Variants in PSKH2 observed in about 807,000 individuals in gnomAD.
PSKH2 encodes protein serine kinase H2.
A neutral mutation model predicts 22.5 loss-of-function variants in PSKH2; 16 were observed. The observed-to-expected ratio is 0.71, with a 90% CI of 0.48 to 1.08. The LOEUF (loss-of-function observed/expected upper bound fraction) is 1.08, where lower values mean the gene tolerates loss of function less well. Among genes scored for constraint, PSKH2 ranks in the 50% least tolerant of loss-of-function variants. The pLI, the probability that PSKH2 is intolerant of heterozygous loss-of-function variation, is 0.00. For synonymous variants in PSKH2, 188 were observed against 184.8 expected (o/e 1.02, Z -0.14); for missense variants, 516 against 492.8 (o/e 1.05, Z -0.44).
chr8:86,064,206 T>C lies in PSKH2; in HGVS notation c.611A>G (p.Asp204Gly). The change falls in exon 2 of 3, where the codon GAT becomes GGT. Residue 204 changes from aspartate to glycine, a missense_variant. Coordinates refer to ENST00000276616, the MANE Select transcript of PSKH2 (RefSeq NM_033126.3). Reference sequence around the variant, plus strand: ...TTTCCCGGAGTATGCCAAACCAAAATCTGTAATTAAAATTTTCGACTCTTC... The same window carrying C: ...TTTCCCGGAGTATGCCAAACCAAAACCTGTAATTAAAATTTTCGACTCTTC... ...PGEESKILIT[D>G]FGLAYSGKKS... 6.2e-7 allele frequency: 1 copy of C among 1,614,050 alleles called. No homozygotes were observed. The highest frequency in any genetic ancestry group is 8.5e-7 in the Non-Finnish European group (1 of 1,180,026).
chr8:86,065,751 C>T (rs1485925947), intron 1 of PSKH2, among the ~76,000 whole-genome samples: 5 of 152,052 alleles, frequency 3.3e-5, no homozygotes. Context: ...GGTGGGAAGA[C>T]TGTTTGAGCC....
At chr8:86,061,902 A>AT (rs1447704861) in intron 2 of PSKH2, among the ~76,000 whole-genome samples, 3 of 152,232 alleles carry the variant, frequency 2.0e-5, no homozygotes, top group Admixed American at 1.3e-4. Context: ...TGATTGTTTT[A>AT]AGCCACTAGG....
At chr8:86,067,826 T>C (rs1187299457) in intron 1 of PSKH2, among the ~76,000 whole-genome samples, 1 of 152,204 alleles carries the variant, frequency 6.6e-6, no homozygotes, top group Non-Finnish European at 1.5e-5. Context: ...ACGACTGTGT[T>C]CTAGTCCCAA....
intron 2 of PSKH2, among the ~76,000 whole-genome samples, chr8:86,056,835 A>C (rs78186394): frequency 0.03 from 4,642 of 152,238 alleles, 207 homozygotes; most frequent in African/African-American, 0.1. Flanking sequence ...TTAAATGTCC[A>C]AAGTTACACA....
intron 2 of PSKH2, among the ~76,000 whole-genome samples, chr8:86,054,140 T>A (rs534454720): frequency 6.6e-6 from 1 of 152,332 alleles, no homozygotes; most frequent in South Asian, 2.1e-4. Context: ...AAGATTGTAA[T>A]TAATGTTACA....
intron 2 of PSKH2, among the ~76,000 whole-genome samples, chr8:86,051,289 C>T (rs1253374201): frequency 6.6e-6 from 1 of 152,014 alleles, no homozygotes; most frequent in African/African-American, 2.4e-5. Context: ...GGTTTCGCCA[C>T]GTTAGCCAGG....
At chr8:86,051,417 G>A (rs1339960679) in intron 2 of PSKH2, among the ~76,000 whole-genome samples, 1 of 152,138 alleles carries the variant, frequency 6.6e-6, no homozygotes, top group Non-Finnish European at 1.5e-5. Flanking sequence ...TAAGAAACCA[G>A]TAAAAGAACT....
At chr8:86,053,992 A>G (rs1817667563) in intron 2 of PSKH2, among the ~76,000 whole-genome samples, 1 of 152,156 alleles carries the variant, frequency 6.6e-6, no homozygotes, top group African/African-American at 2.4e-5. Context: ...AACTGTGATC[A>G]TACCACAGTA....
chr8:86,054,546 T>C (rs1175215134), intron 2 of PSKH2, among the ~76,000 whole-genome samples: 1 of 152,212 alleles, frequency 6.6e-6, no homozygotes, highest in Non-Finnish European at 1.5e-5. Flanking sequence ...ATTTTTGTTA[T>C]AGATATTTAA....
rs544113858 is a variant in PSKH2, at chr8:86,064,208, T to C, written c.609A>G (p.Thr203=). Residue 203 remains threonine (T), a synonymous_variant, in exon 2 of 3, where the codon ACA becomes ACG. Transcript: ENST00000276616. Reference sequence around the variant, plus strand: ...TCCCGGAGTATGCCAAACCAAAATCTGTAATTAAAATTTTCGACTCTTCAC... The same window carrying C: ...TCCCGGAGTATGCCAAACCAAAATCCGTAATTAAAATTTTCGACTCTTCAC... ...HPGEESKILI[T]DFGLAYSGKK... is the part of the protein sequence containing the mutation. 5.0e-6 allele frequency: 8 copies of C among 1,614,126 alleles called. No individual in the cohort carries two copies. In the Admixed American group the frequency reaches 1.0e-4, roughly 20 times the overall value.
chr8:86,069,652 C>G lies in PSKH2; in HGVS notation c.-30G>C, dbSNP rs762919533. Reference sequence around the variant, plus strand: ...GCAACACGCCCGCCGCTCGCGGGACCTGGGGACTCGGGAAGCAGCCAGCCC... The same window carrying G: ...GCAACACGCCCGCCGCTCGCGGGACGTGGGGACTCGGGAAGCAGCCAGCCC... On this transcript the variant is annotated 5_prime_UTR_variant, in exon 1 of 3. Transcript: ENST00000276616. 2.0e-6 allele frequency: 3 copies of G among 1,502,772 alleles called. No individual in the cohort carries two copies. The highest frequency in any genetic ancestry group is 1.4e-5 in the African/African-American group (1 of 68,974). 93.1% of individuals were successfully genotyped at this position (1,502,772 alleles called of 1,614,324 possible).
chr8:86,051,133 G>A (rs553454694), intron 2 of PSKH2, among the ~76,000 whole-genome samples: 14 of 151,428 alleles, frequency 9.2e-5, no homozygotes, highest in Non-Finnish European at 1.9e-4. Flanking sequence ...TGGCATGATC[G>A]TGGCTCACTG....
intron 2 of PSKH2, among the ~76,000 whole-genome samples, chr8:86,057,897 A>G (rs991452933): frequency 1.3e-5 from 2 of 152,066 alleles, no homozygotes; most frequent in Non-Finnish European, 2.9e-5. Flanking sequence ...CTTTGTTCCC[A>G]CTTACATTAA....
chr8:86,061,409 C>A (rs1817776018), intron 2 of PSKH2, among the ~76,000 whole-genome samples: 1 of 151,964 alleles, frequency 6.6e-6, no homozygotes, highest in African/African-American at 2.4e-5. Flanking sequence ...CAAATATGGC[C>A]CAAATGGACC....
At chr8:86,069,880 T>C (rs190384834), upstream of PSKH2, among the ~76,000 whole-genome samples, 766 of 152,254 alleles carry the variant, frequency 5.0e-3, 3 homozygotes, top group Middle Eastern at 0.02. Context: ...CTGCGCCTAA[T>C]TGTCTGGGCT....
At position 86,048,610 on chromosome 8, in the gene PSKH2, G is replaced by C. The variant is rs1166324895; in HGVS notation, c.1010C>G (p.Ser337Cys). 1 of 1,614,084 alleles carries C rather than the reference G, an allele frequency of 6.2e-7. No homozygotes were observed. The highest frequency in any genetic ancestry group is 8.5e-7 in the Non-Finnish European group (1 of 1,180,016). Residue 337 changes from serine to cysteine, a missense_variant, in exon 3 of 3, where the codon TCC (serine) becomes TGC (cysteine). Transcript: ENST00000276616. ...SSMKNLQRAI[S>C]RNLMQRASPH... ...AGAGGCCCTCTGCATGAGGTTTCGGGATATGGCCCTCTGGAGATTCTTCAT... is the reference window on the plus strand; with the variant it reads ...AGAGGCCCTCTGCATGAGGTTTCGGCATATGGCCCTCTGGAGATTCTTCAT...
intron 2 of PSKH2, among the ~76,000 whole-genome samples, chr8:86,053,999 A>G (rs957221874): frequency 6.6e-6 from 1 of 152,150 alleles, no homozygotes; most frequent in East Asian, 1.9e-4. Context: ...ATCATACCAC[A>G]GTAACCAGCC....
intron 2 of PSKH2, among the ~76,000 whole-genome samples, chr8:86,049,575 GGAGA>G (rs10648162): frequency 1.2e-4 from 15 of 127,148 alleles, no homozygotes; most frequent in South Asian, 5.6e-4. Flanking sequence ...GAAAGAAAGA[GGAGA>G]GAGAGAGAGA....
chr8:86,049,730 GAAAGAAAGAAAGAAAGAAAC>G (rs1301338124), intron 2 of PSKH2, among the ~76,000 whole-genome samples: 1,542 of 57,286 alleles, frequency 0.027, 109 homozygotes, highest in African/African-American at 0.04. Context: ...AAGAAAGAAA[GAAAGAAAGAAAGAAAGAAAC>G]GAAAGAAAGA....
Sources: allele counts gnomAD v4.1 joint callset (sites outside exome capture counted in the v4.1 genomes callset), GRCh38; gene constraint gnomAD v4.1.1; transcripts MANE v1.5; gene names NCBI Gene and HGNC (gene_info 2026-07-23, HGNC 2026-07-21).